The following PLOD2 variants were observed in gnomAD, a reference collection of about 807,000 sequenced individuals.
The protein encoded by PLOD2 is procollagen-lysine,2-oxoglutarate 5-dioxygenase 2.
Under a neutral mutation model 101.0 loss-of-function variants are expected in PLOD2, and 65 were observed. That is an observed-to-expected ratio of 0.64 (90% CI 0.53 to 0.79). The LOEUF (loss-of-function observed/expected upper bound fraction) is 0.79, where lower values mean the gene tolerates loss of function less well. Among genes scored for constraint, PLOD2 ranks in the 30% least tolerant of loss-of-function variants. PLOD2 has a pLI of 0.00. For synonymous variants in PLOD2, 314 were observed against 302.9 expected (o/e 1.04, Z -0.38); for missense variants, 909 against 914.6 (o/e 0.99, Z 0.08).
intron 1 of PLOD2, among the ~76,000 whole-genome samples, chr3:146,126,353 G>GA (rs35069585): frequency 0.51 from 77,258 of 151,642 alleles, 19,754 homozygotes; most frequent in Middle Eastern, 0.56. Context: ...CTTAGTTGGA[G>GA]AAAAAAAATA....
intron 3 of PLOD2, among the ~76,000 whole-genome samples, chr3:146,112,647 T>C (rs1937695646): frequency 6.6e-6 from 1 of 151,352 alleles, no homozygotes; most frequent in African/African-American, 2.4e-5. Flanking sequence ...GGTCAAGAGA[T>C]CAAGACCATC....
intron 3 of PLOD2, among the ~76,000 whole-genome samples, chr3:146,118,124 G>C (rs369474065): frequency 3.9e-4 from 60 of 152,206 alleles, no homozygotes; most frequent in African/African-American, 1.4e-3. Flanking sequence ...ATGGTTGTTT[G>C]AAATCCATGG....
intron 1 of PLOD2, among the ~76,000 whole-genome samples, chr3:146,151,639 ATG>A (rs1321668869): frequency 6.6e-6 from 1 of 152,190 alleles, no homozygotes; most frequent in Non-Finnish European, 1.5e-5. Flanking sequence ...CTGATGCCAG[ATG>A]TGTGTGTTCT....
intron 2 of PLOD2, 147 bp downstream of exon 2, chr3:146,123,991 A>C (rs1197845495): frequency 1.6e-6 from 1 of 623,692 alleles, no homozygotes; most frequent in African/African-American, 1.8e-5. Context: ...AGGAAATATT[A>C]ATAAAGCCAA....
chr3:146,097,196 G>T (rs1441810291), intron 7 of PLOD2, among the ~76,000 whole-genome samples: 1 of 150,502 alleles, frequency 6.6e-6, no homozygotes, highest in African/African-American at 2.4e-5. Flanking sequence ...CCCCCCGCCC[G>T]GCCAGCCGCC....
At chr3:146,118,486 T>A (rs1938024997) in intron 3 of PLOD2, among the ~76,000 whole-genome samples, 2 of 152,046 alleles carry the variant, frequency 1.3e-5, no homozygotes, top group Non-Finnish European at 2.9e-5. Context: ...ACTCTTATTT[T>A]CATCTGCAAA....
chr3:146,126,949 T>C (rs780299281), intron 1 of PLOD2, among the ~76,000 whole-genome samples: 1 of 152,182 alleles, frequency 6.6e-6, no homozygotes, highest in Non-Finnish European at 1.5e-5. Context: ...ACTGGCCATA[T>C]GTGATAAATA....
intron 15 of PLOD2, 151 bp from the exon 16 acceptor site, chr3:146,073,503 A>C (rs1936225115): frequency 5.6e-6 from 2 of 355,384 alleles, no homozygotes; most frequent in Non-Finnish European, 1.1e-5. Flanking sequence ...TATATAGCCT[A>C]ATCTTTGCCT....
chr3:146,077,811 T>C, intron 14 of PLOD2, 51 bp downstream of exon 14: 2 of 1,051,322 alleles, frequency 1.9e-6, no homozygotes, highest in South Asian at 1.4e-5. Flanking sequence ...GGCAATATAC[T>C]ATATCAAATA....
chr3:146,073,323 A>G lies in PLOD2; in HGVS notation c.1707T>C (p.Asp569=). 8.1e-7 allele frequency: 1 copy of G among 1,232,656 alleles called. No homozygotes were observed. The allele number at this position is 1,232,656 out of a possible 1,614,324, so 76.4% of individuals were successfully genotyped here. Residue 569 remains aspartate (D), a synonymous_variant, in exon 16 of 20, where the codon GAT becomes GAC. Coordinates refer to ENST00000282903, the MANE Select transcript of PLOD2 (RefSeq NM_182943.3). The part of the protein sequence containing the change: ...VDWKEKYINR[D]YSKIFTENIV... The stretch of plus-strand genomic sequence containing the variant: ...TATTTTCAGTGAAAATCTTTGAATA[A>G]TCACGGTTTATATACTTTTCCTTCC...
At position 146,112,639 on chromosome 3, in the gene PLOD2, T is replaced by G. The variant is rs925564163; in HGVS notation, c.339-2191A>C. ...AGGTCAAGGCGGGCGGATCATGAGG[T>G]CAAGAGATCAAGACCATCCTGGCCA... On this transcript the variant is annotated intron_variant, in intron 3 of 19. Coordinates refer to ENST00000282903, the MANE Select transcript of PLOD2 (RefSeq NM_182943.3). Among the ~76,000 whole-genome samples the G allele has an allele frequency of 3.3e-5, 5 of 151,804 alleles. No individual in the cohort carries two copies. In the East Asian group the frequency reaches 9.7e-4, roughly 29 times the overall value.
At position 146,161,124 on chromosome 3, in the gene PLOD2, C is replaced by T. The variant is rs1229990670; in HGVS notation, c.-135G>A. 3 of 465,798 alleles carry T rather than the reference C, an allele frequency of 6.4e-6. No homozygotes were observed. The highest frequency in any genetic ancestry group is 4.6e-5 in the Admixed American group (1 of 21,850). The allele number at this position is 465,798 out of a possible 1,614,324, so 28.9% of individuals were successfully genotyped here. A position where few individuals can be genotyped will look rare whatever the true frequency, so the allele number is the denominator to read the frequency against. The stretch of plus-strand genomic sequence containing the variant: ...GGAGCCGGCGGGCAAGGCGCGCGGC[C>T]GGCAGCCGGAGCGGCGCGTAACGCA... On this transcript the variant is annotated 5_prime_UTR_variant, in exon 1 of 20. Coordinates refer to ENST00000282903, the MANE Select transcript of PLOD2 (RefSeq NM_182943.3).
At chr3:146,116,466 C>A (rs974117091) in intron 3 of PLOD2, among the ~76,000 whole-genome samples, 2 of 150,864 alleles carry the variant, frequency 1.3e-5, no homozygotes, top group South Asian at 4.1e-4. Flanking sequence ...ATAAATCCCA[C>A]TTGATCATGG....
intron 13 of PLOD2, among the ~76,000 whole-genome samples, 168 bp from the exon 14 acceptor site, chr3:146,078,092 T>G (rs1473266407): frequency 2.6e-5 from 4 of 151,814 alleles, no homozygotes; most frequent in Admixed American, 2.6e-4. Context: ...CAAAGAAACA[T>G]CTCCAGCTCT....
chr3:146,148,338 GCACACA>G (rs71158220), intron 1 of PLOD2, among the ~76,000 whole-genome samples: 29 of 146,546 alleles, frequency 2.0e-4, no homozygotes, highest in South Asian at 4.4e-4. Flanking sequence ...AGGCAGGCAC[GCACACA>G]CACACACACA....
intron 3 of PLOD2, among the ~76,000 whole-genome samples, chr3:146,113,288 G>A (rs1312355763): frequency 6.6e-6 from 1 of 152,106 alleles, no homozygotes; most frequent in Non-Finnish European, 1.5e-5. Flanking sequence ...GAGTAGCACT[G>A]CTATTTCTGT....
chr3:146,151,160 T>C (rs974447006), intron 1 of PLOD2, among the ~76,000 whole-genome samples: 1 of 152,182 alleles, frequency 6.6e-6, no homozygotes, highest in Non-Finnish European at 1.5e-5. Flanking sequence ...TCTTTTCTGA[T>C]TCCTGCAGCA....
rs148426196 is a variant in PLOD2 at position 146,120,583 on chromosome 3, C to G, written c.338+529G>C. ...GGCAAGGACTTCATGTCTAAAACAC[C>G]AAAAGTAATGGCAACAAAAGCCAAA... On this transcript the variant is annotated intron_variant, in intron 3 of 19. Coordinates refer to ENST00000282903, the MANE Select transcript of PLOD2 (RefSeq NM_182943.3). Among the ~76,000 whole-genome samples the G allele has an allele frequency of 2.8e-3, 428 of 152,188 alleles. 2 individuals carry two copies. The highest frequency in any genetic ancestry group is 9.9e-3 in the African/African-American group (409 of 41,508).
At chr3:146,138,999 C>G (rs1304753788) in intron 1 of PLOD2, among the ~76,000 whole-genome samples, 1 of 152,072 alleles carries the variant, frequency 6.6e-6, no homozygotes, top group Non-Finnish European at 1.5e-5. Context: ...ATCTCATAAT[C>G]TGACTCAAGT....
Sources: allele counts gnomAD v4.1 joint callset (sites outside exome capture counted in the v4.1 genomes callset), GRCh38; gene constraint gnomAD v4.1.1; transcripts MANE v1.5; gene names NCBI Gene and HGNC (gene_info 2026-07-23, HGNC 2026-07-21).